The following PCDH15 variants were observed in gnomAD, a reference collection of about 807,000 sequenced individuals.
PCDH15 encodes protocadherin-15.
In PCDH15, 129 loss-of-function variants were observed where a neutral mutation model predicts 178.5. The observed-to-expected ratio is 0.72, with a 90% CI of 0.63 to 0.84. The LOEUF (loss-of-function observed/expected upper bound fraction) is 0.84. Ranked by LOEUF, PCDH15 falls within the 40% of genes least tolerant of loss-of-function variation. The pLI is 0.00. For synonymous variants in PCDH15, 800 were observed against 732.0 expected, an observed-to-expected ratio of 1.09 and a Z score of -1.50; for missense variants, 2,230 against 2,099.9, an observed-to-expected ratio of 1.06 and a Z score of -1.21.
chr10:53,948,748 C>G (rs1025037972), intron 23 of PCDH15, among the ~76,000 whole-genome samples: 1 of 152,160 alleles, frequency 6.6e-6, no homozygotes, highest in Admixed American at 6.5e-5. Context: ...TAACACCATT[C>G]AATGTCTTCA....
chr10:54,349,472 A>G (rs1235411932), intron 5 of PCDH15, among the ~76,000 whole-genome samples: 1 of 152,230 alleles, frequency 6.6e-6, no homozygotes, highest in Non-Finnish European at 1.5e-5. Context: ...TATGCAAACT[A>G]TTGAAAAGAT....
intron 27 of PCDH15, among the ~76,000 whole-genome samples, chr10:53,859,871 A>T (rs1251994385): frequency 6.6e-6 from 1 of 152,156 alleles, no homozygotes; most frequent in African/African-American, 2.4e-5. Flanking sequence ...CAGCAGCCTC[A>T]GAGGAAGACC....
chr10:54,769,482 A>G (rs1948857100), intron 1 of PCDH15, among the ~76,000 whole-genome samples: 2 of 151,532 alleles, frequency 1.3e-5, no homozygotes, highest in African/African-American at 4.9e-5. Context: ...TAAAGAAACC[A>G]GCATCCTTTG....
intron 1 of PCDH15, among the ~76,000 whole-genome samples, chr10:54,717,421 A>C (rs1182692532): frequency 7.1e-6 from 1 of 141,568 alleles, no homozygotes; most frequent in African/African-American, 2.7e-5. Context: ...CAAGAAAAAA[A>C]CAAACAACCC....
chr10:54,177,509 A>G (rs1310943617), intron 13 of PCDH15, among the ~76,000 whole-genome samples: 4 of 152,116 alleles, frequency 2.6e-5, no homozygotes, highest in Admixed American at 6.5e-5. Flanking sequence ...TGGGGCAGGT[A>G]TGCATCTGTG....
At chr10:55,563,363 A>G (rs577588951) in intron 2 of PCDH15, among the ~76,000 whole-genome samples, 4 of 152,058 alleles carry the variant, frequency 2.6e-5, no homozygotes, top group African/African-American at 2.4e-5. Context: ...GGGAAATTAG[A>G]AAGTTTCAGT....
At chr10:54,151,948 AG>A (rs1465109271) in intron 14 of PCDH15, among the ~76,000 whole-genome samples, 2 of 152,294 alleles carry the variant, frequency 1.3e-5, no homozygotes, top group Non-Finnish European at 2.9e-5. Flanking sequence ...GTGTGGTAAT[AG>A]GTTATAAAAT....
At chr10:55,336,479 A>C (rs1202904361) in intron 2 of PCDH15, among the ~76,000 whole-genome samples, 2 of 152,150 alleles carry the variant, frequency 1.3e-5, no homozygotes, top group Non-Finnish European at 1.5e-5. Flanking sequence ...GCCTGGCAAC[A>C]GAGCTAGACT....
intron 16 of PCDH15, among the ~76,000 whole-genome samples, chr10:54,085,931 A>G (rs565318918): frequency 6.6e-6 from 1 of 152,306 alleles, no homozygotes; most frequent in Admixed American, 6.5e-5. Flanking sequence ...TTTAAAGTAT[A>G]CAATAGACAT....
chr10:55,235,227 C>G (rs1390943119), intron 1 of PCDH15, among the ~76,000 whole-genome samples: 1 of 152,038 alleles, frequency 6.6e-6, no homozygotes, highest in East Asian at 1.9e-4. Context: ...ACATGAAAGT[C>G]ATTATAAAAT....
At chr10:54,169,256 CT>C (rs1465792474) in intron 13 of PCDH15, among the ~76,000 whole-genome samples, 2 of 59,792 alleles carry the variant, frequency 3.3e-5, no homozygotes, top group African/African-American at 1.8e-4. Flanking sequence ...CGGAAGCCCC[CT>C]AGACAATCAC....
intron 25 of PCDH15, among the ~76,000 whole-genome samples, chr10:53,924,614 A>T (rs2084328053): frequency 1.3e-5 from 2 of 152,370 alleles, no homozygotes. Flanking sequence ...CCAGTGCAGG[A>T]TCCACTAGGT....
intron 23 of PCDH15, 75 bp downstream of exon 23, chr10:53,959,657 C>G (rs990759620): frequency 9.1e-7 from 1 of 1,098,020 alleles, no homozygotes; most frequent in Non-Finnish European, 1.4e-6. Context: ...ATTCATATTA[C>G]ATCAATTTTG....
At chr10:54,900,337 G>T (rs1428500738) in intron 2 of PCDH15, among the ~76,000 whole-genome samples, 2 of 152,132 alleles carry the variant, frequency 1.3e-5, no homozygotes, top group Non-Finnish European at 2.9e-5. Context: ...AAAAAAGAAG[G>T]TTGTGAGTAA....
chr10:54,083,124 C>T (rs975498610), intron 16 of PCDH15, among the ~76,000 whole-genome samples: 1 of 151,956 alleles, frequency 6.6e-6, no homozygotes, highest in East Asian at 1.9e-4. Flanking sequence ...ACAACAACAA[C>T]AAAAAATAAT....
chr10:53,958,978 C>CAAAAAAAA (rs71004497), intron 23 of PCDH15, among the ~76,000 whole-genome samples: 4 of 45,828 alleles, frequency 8.7e-5, no homozygotes, highest in Non-Finnish European at 1.1e-4. Context: ...GACTCCATCT[C>CAAAAAAAA]AAAAAAAAAA....
chr10:54,322,129 T>C lies in PCDH15; in HGVS notation c.706-4688A>G, dbSNP rs1168903189. ...AGAAAAAACAAAACAACCTACACTT[T>C]TGATCTTTATAGTAATATACTACTG... On this transcript the variant is annotated intron_variant, in intron 7 of 37. Coordinates refer to ENST00000644397, the MANE Select transcript of PCDH15 (RefSeq NM_001384140.1). Among the ~76,000 whole-genome samples, 3 of 152,000 alleles carry C rather than the reference T, an allele frequency of 2.0e-5. No homozygotes were observed. In the East Asian group the frequency reaches 5.8e-4, roughly 29 times the overall value.
At chr10:54,679,061 G>C (rs1331449978) in intron 1 of PCDH15, among the ~76,000 whole-genome samples, 1 of 151,426 alleles carries the variant, frequency 6.6e-6, no homozygotes, top group Non-Finnish European at 1.5e-5. Context: ...GTGTTGGCGG[G>C]CGCCTGTAGT....
At chr10:54,754,942 CTTT>C (rs35143502) in intron 1 of PCDH15, among the ~76,000 whole-genome samples, 647 of 33,786 alleles carry the variant, frequency 0.019, 9 homozygotes, top group Middle Eastern at 0.094. Context: ...GTTTTTCTTT[CTTT>C]TTTTTTTTTT....
Sources: allele counts gnomAD v4.1 joint callset (sites outside exome capture counted in the v4.1 genomes callset), GRCh38; gene constraint gnomAD v4.1.1; transcripts MANE v1.5; gene names NCBI Gene and HGNC (gene_info 2026-07-23, HGNC 2026-07-21).